Variants in CNTNAP2 observed in about 807,000 individuals in gnomAD.
The protein encoded by CNTNAP2 is contactin associated protein 2, also known as contactin-associated protein-like 2.
CNTNAP2 carries 98 observed loss-of-function variants against 155.2 expected under a neutral mutation model. The observed-to-expected ratio is 0.63, with a 90% CI of 0.54 to 0.75. The LOEUF (loss-of-function observed/expected upper bound fraction) is 0.75, where lower values mean the gene tolerates loss of function less well. CNTNAP2 is among the 30% of genes least tolerant of loss of function. The pLI is 0.00. For missense variants in CNTNAP2, 1,727 were observed against 1,688.1 expected (o/e 1.02, Z -0.40); for synonymous variants, 651 against 631.2 (o/e 1.03, Z -0.47).
chr7:148,218,480 C>G (rs994987320), intron 19 of CNTNAP2, among the ~76,000 whole-genome samples: 6 of 152,142 alleles, frequency 3.9e-5, no homozygotes, highest in Non-Finnish European at 8.8e-5. Context: ...CAGCCCTAAC[C>G]TCTCAGGCTC....
intron 18 of CNTNAP2, among the ~76,000 whole-genome samples, chr7:148,175,170 G>T (rs1794910691): frequency 6.6e-6 from 1 of 152,114 alleles, no homozygotes; most frequent in Admixed American, 6.6e-5. Flanking sequence ...TGGGCATTTG[G>T]GATGGTTCTA....
intron 3 of CNTNAP2, among the ~76,000 whole-genome samples, chr7:146,946,014 G>C (rs1477159473): frequency 5.3e-5 from 8 of 151,992 alleles, no homozygotes; most frequent in Admixed American, 3.9e-4. Flanking sequence ...AGAGACCTTT[G>C]GTGGGTTTTC....
At chr7:146,554,803 C>T (rs1798172638) in intron 1 of CNTNAP2, among the ~76,000 whole-genome samples, 2 of 152,214 alleles carry the variant, frequency 1.3e-5, no homozygotes, top group African/African-American at 4.8e-5. Context: ...CGAGGTAAGG[C>T]AGCGTAAGAG....
At chr7:147,928,180 A>G (rs993297419) in intron 14 of CNTNAP2, among the ~76,000 whole-genome samples, 3 of 152,122 alleles carry the variant, frequency 2.0e-5, no homozygotes, top group Non-Finnish European at 4.4e-5. Context: ...CTCCCTAGCC[A>G]TGTGAAACTG....
intron 15 of CNTNAP2, among the ~76,000 whole-genome samples, chr7:148,084,240 C>T (rs766762525): frequency 8.5e-5 from 13 of 152,202 alleles, no homozygotes; most frequent in Non-Finnish European, 1.5e-4. Flanking sequence ...TTTCCTGCTG[C>T]CACCTGGTGG....
chr7:146,381,714 A>C (rs1332037743), intron 1 of CNTNAP2, among the ~76,000 whole-genome samples: 1 of 152,238 alleles, frequency 6.6e-6, no homozygotes, highest in African/African-American at 2.4e-5. Context: ...ACCAGAAAGA[A>C]GAGCTAAAGA....
At chr7:148,229,963 A>T (rs1795929598) in intron 20 of CNTNAP2, among the ~76,000 whole-genome samples, 184 bp downstream of exon 20, 1 of 152,228 alleles carries the variant, frequency 6.6e-6, no homozygotes, top group African/African-American at 2.4e-5. Flanking sequence ...AAAGACAATG[A>T]TGAAGTTGAA....
chr7:147,808,231 A>G (rs1798124518), intron 13 of CNTNAP2, among the ~76,000 whole-genome samples: 1 of 152,184 alleles, frequency 6.6e-6, no homozygotes, highest in Admixed American at 6.5e-5. Flanking sequence ...GCTGAGAGCC[A>G]GGAAAGTGAA....
chr7:146,629,108 T>A (rs532386955), intron 1 of CNTNAP2, among the ~76,000 whole-genome samples: 1 of 152,330 alleles, frequency 6.6e-6, no homozygotes, highest in South Asian at 2.1e-4. Context: ...ATACTCAACA[T>A]AATTCAGAAA....
At chr7:148,291,032 G>A (rs908387643) in intron 21 of CNTNAP2, among the ~76,000 whole-genome samples, 5 of 152,050 alleles carry the variant, frequency 3.3e-5, no homozygotes, top group African/African-American at 7.2e-5. Flanking sequence ...AAAATTGACC[G>A]GCGCAAGTCA....
chr7:147,437,447 A>G (rs988371507), intron 10 of CNTNAP2, among the ~76,000 whole-genome samples: 1 of 152,054 alleles, frequency 6.6e-6, no homozygotes, highest in Non-Finnish European at 1.5e-5. Context: ...TTTAGATTCT[A>G]ATATTCCAGA....
At chr7:146,790,631 G>A (rs1026729156) in intron 2 of CNTNAP2, among the ~76,000 whole-genome samples, 2 of 150,450 alleles carry the variant, frequency 1.3e-5, no homozygotes, top group Admixed American at 6.6e-5. Context: ...GTGCAGTGGC[G>A]CGATCTCAGC....
At chr7:148,220,370 G>A (rs1276958342) in intron 19 of CNTNAP2, among the ~76,000 whole-genome samples, 1 of 152,170 alleles carries the variant, frequency 6.6e-6, no homozygotes, top group Non-Finnish European at 1.5e-5. Context: ...CCAAAGTGCT[G>A]GGATTACAGG....
intron 12 of CNTNAP2, among the ~76,000 whole-genome samples, chr7:147,627,213 C>T (rs9886339): frequency 0.09 from 13,718 of 151,998 alleles, 1,697 homozygotes; most frequent in African/African-American, 0.26. Flanking sequence ...TCTACGCAAA[C>T]GAGAAGGAAC....
At chr7:148,263,510 G>A (rs957305644) in intron 20 of CNTNAP2, among the ~76,000 whole-genome samples, 2 of 152,074 alleles carry the variant, frequency 1.3e-5, no homozygotes, top group South Asian at 4.2e-4. Context: ...AGGCCGAGGT[G>A]GGCGGAACAC....
At chr7:146,381,809 CA>C (rs1795393067) in intron 1 of CNTNAP2, among the ~76,000 whole-genome samples, 1 of 152,124 alleles carries the variant, frequency 6.6e-6, no homozygotes, top group Admixed American at 6.5e-5. Flanking sequence ...AGGAGGGAAA[CA>C]CAAATACAAT....
At chr7:146,207,531 G>T (rs548044797) in intron 1 of CNTNAP2, among the ~76,000 whole-genome samples, 1 of 150,648 alleles carries the variant, frequency 6.6e-6, no homozygotes, top group African/African-American at 2.4e-5. Flanking sequence ...AGTTTTAGTT[G>T]AATCCTTTCA....
chr7:147,529,341 C>G (rs761133765), intron 11 of CNTNAP2, among the ~76,000 whole-genome samples: 3 of 152,138 alleles, frequency 2.0e-5, no homozygotes, highest in Admixed American at 2.0e-4. Context: ...AACCAATCTT[C>G]CTTTTCTCAT....
chr7:146,555,514 C>T (rs1042762078), intron 1 of CNTNAP2, among the ~76,000 whole-genome samples: 1 of 151,854 alleles, frequency 6.6e-6, no homozygotes, highest in Non-Finnish European at 1.5e-5. Flanking sequence ...ATCTATCTAT[C>T]TATCTATCTA....
Sources: gnomAD v4.1 joint callset for allele counts (sites outside exome capture counted in the v4.1 genomes callset) on GRCh38, gnomAD v4.1.1 for gene constraint, MANE v1.5 for transcripts, NCBI Gene and HGNC (gene_info 2026-07-23, HGNC 2026-07-21) for gene names.